The following ELF1 variants were observed in gnomAD, a reference collection of about 807,000 sequenced individuals.
ELF1 encodes ETS-related transcription factor Elf-1.
A neutral mutation model predicts 59.9 loss-of-function variants in ELF1; 24 were observed. That is an observed-to-expected ratio of 0.40 (90% CI 0.29 to 0.56). The LOEUF is 0.56. Ranked by LOEUF, ELF1 falls within the 20% of genes least tolerant of loss-of-function variation. The pLI, the probability that ELF1 is intolerant of heterozygous loss-of-function variation, is 0.44. For missense variants in ELF1, 627 were observed against 742.2 expected (o/e 0.84, Z 1.80); for synonymous variants, 248 against 266.2 (o/e 0.93, Z 0.67).
intron 1 of ELF1, among the ~76,000 whole-genome samples, chr13:40,992,266 C>A (rs1873894861): frequency 6.6e-6 from 1 of 152,100 alleles, no homozygotes. Flanking sequence ...ATTTTAAGTT[C>A]CTGATGTTTT....
At chr13:41,055,279 A>G (rs1877243073) in intron 1 of ELF1, among the ~76,000 whole-genome samples, 1 of 152,020 alleles carries the variant, frequency 6.6e-6, no homozygotes, top group African/African-American at 2.4e-5. Flanking sequence ...CTATTTTCGC[A>G]GCCTTATTTC....
chr13:41,052,219 C>T lies in ELF1; in HGVS notation c.-229+8619G>A, dbSNP rs1269365979. Reference sequence around the variant, plus strand: ...CCTCCCCAAGTGCTGGGATTATAGGCGTGAGACACTGCGCCTGGCCAGAAT... The same window carrying T: ...CCTCCCCAAGTGCTGGGATTATAGGTGTGAGACACTGCGCCTGGCCAGAAT... On this transcript the variant is annotated intron_variant, in intron 1 of 1. Coordinates refer to the ELF1 transcript ENST00000405737. Among the ~76,000 whole-genome samples, 7 of 152,138 alleles carry T rather than the reference C, an allele frequency of 4.6e-5. No homozygotes were observed. The East Asian group carries it at 1.2e-3, about 25-fold the overall frequency.
intron 4 of ELF1, 26 bp from the exon 5 acceptor site, chr13:40,949,999 A>G: frequency 1.3e-6 from 2 of 1,570,534 alleles, no homozygotes; most frequent in Non-Finnish European, 1.7e-6. Context: ...TCAACTAATT[A>G]TAGTCCACTG....
chr13:41,004,314 C>T (rs1341159075), intron 1 of ELF1, among the ~76,000 whole-genome samples: 1 of 151,758 alleles, frequency 6.6e-6, no homozygotes, highest in African/African-American at 2.4e-5. Flanking sequence ...AAATAGCCCA[C>T]ATCTGTTTTT....
chr13:40,990,026 T>C (rs968961973), intron 1 of ELF1, among the ~76,000 whole-genome samples: 1 of 151,242 alleles, frequency 6.6e-6, no homozygotes, highest in Non-Finnish European at 1.5e-5. Context: ...CAATATATGG[T>C]TATAGATTAA....
In ELF1 at chr13:40,936,953, CA is replaced by C. The variant is rs200927120; in HGVS notation, c.1257-2926del. Among the ~76,000 whole-genome samples, 175 of 149,972 alleles carry C rather than the reference CA, an allele frequency of 1.2e-3. No homozygotes were observed. The East Asian group carries it at 0.016, about 14-fold the overall frequency. On this transcript the variant is annotated intron_variant, in intron 8 of 8. Transcript: ENST00000239882. Reference sequence around the variant, plus strand: ...TGGGCTACAGAGGGAGACTCAGTCTCAAAAAAAAAGTCCTTTTCTTGAGACA... The same window carrying C: ...TGGGCTACAGAGGGAGACTCAGTCTCAAAAAAAAGTCCTTTTCTTGAGACA...
intron 1 of ELF1, among the ~76,000 whole-genome samples, chr13:41,043,156 T>C (rs1413027572): frequency 2.0e-5 from 3 of 152,160 alleles, no homozygotes; most frequent in African/African-American, 7.2e-5. Flanking sequence ...GGGTTGTTTG[T>C]TTTTTTCTTG....
intron 1 of ELF1, among the ~76,000 whole-genome samples, chr13:41,013,138 A>G (rs909138453): frequency 3.3e-5 from 5 of 152,182 alleles, no homozygotes; most frequent in Non-Finnish European, 7.4e-5. Flanking sequence ...CCCCAGGGCA[A>G]TATACCATAG....
chr13:41,059,764 T>C (rs1340991311), intron 1 of ELF1, among the ~76,000 whole-genome samples: 1 of 152,234 alleles, frequency 6.6e-6, no homozygotes, highest in Non-Finnish European at 1.5e-5. Context: ...CTTCTATATT[T>C]AAAAATACAG....
At chr13:41,052,598 C>CCCA (rs2138436022) in intron 1 of ELF1, among the ~76,000 whole-genome samples, 1 of 152,258 alleles carries the variant, frequency 6.6e-6, no homozygotes, top group African/African-American at 2.4e-5. Context: ...CGCCTGTAAT[C>CCCA]CCAGCACTTT....
At chr13:40,959,904 A>T (rs1871708689) in intron 2 of ELF1, among the ~76,000 whole-genome samples, 1 of 152,188 alleles carries the variant, frequency 6.6e-6, no homozygotes, top group African/African-American at 2.4e-5. Context: ...AAACTCAGTT[A>T]ATTAGCGGCA....
At chr13:41,005,378 C>T (rs1274859788) in intron 1 of ELF1, among the ~76,000 whole-genome samples, 1 of 149,144 alleles carries the variant, frequency 6.7e-6, no homozygotes, top group African/African-American at 2.5e-5. Context: ...ACTATTTTAC[C>T]CAACTGTTTA....
chr13:40,937,862 T>A (rs1593347257), intron 8 of ELF1, among the ~76,000 whole-genome samples: 2 of 152,212 alleles, frequency 1.3e-5, no homozygotes, highest in East Asian at 1.9e-4. Context: ...TAGCCCCAGC[T>A]GGAGTGCAGT....
At chr13:40,998,911 G>A (rs1289352301) in intron 1 of ELF1, among the ~76,000 whole-genome samples, 1 of 152,190 alleles carries the variant, frequency 6.6e-6, no homozygotes, top group African/African-American at 2.4e-5. Context: ...AGCTGGGCAT[G>A]GTGGTGCACA....
At chr13:40,947,142 T>C (rs7992623) in intron 5 of ELF1, among the ~76,000 whole-genome samples, 1,515 of 150,190 alleles carry the variant, frequency 0.01, 40 homozygotes, top group African/African-American at 0.035. Context: ...AAAAAAAAGA[T>C]ACACAAATGT....
intron 1 of ELF1, among the ~76,000 whole-genome samples, chr13:41,035,730 A>C (rs1876348849): frequency 6.7e-6 from 1 of 149,436 alleles, no homozygotes; most frequent in East Asian, 1.9e-4. Context: ...ACAAAAAGAA[A>C]AAAAAAAAAA....
chr13:40,967,091 A>G (rs998063930), intron 2 of ELF1, among the ~76,000 whole-genome samples: 1 of 152,234 alleles, frequency 6.6e-6, no homozygotes, highest in African/African-American at 2.4e-5. Context: ...CCCTGTGCCC[A>G]GCCTTCAAAT....
At chr13:40,966,885 T>G (rs1872206818) in intron 2 of ELF1, among the ~76,000 whole-genome samples, 1 of 152,220 alleles carries the variant, frequency 6.6e-6, no homozygotes, top group Admixed American at 6.5e-5. Flanking sequence ...CACTACTTTT[T>G]AAAGACAGGT....
intron 3 of ELF1, among the ~76,000 whole-genome samples, chr13:40,955,413 A>T (rs1373328418): frequency 8.2e-6 from 1 of 122,266 alleles, no homozygotes; most frequent in East Asian, 2.6e-4. Flanking sequence ...CCCATCCGGG[A>T]AGGAGGTGGG....
Sources: gnomAD v4.1 joint callset for allele counts (sites outside exome capture counted in the v4.1 genomes callset) on GRCh38, gnomAD v4.1.1 for gene constraint, MANE v1.5 for transcripts, NCBI Gene and HGNC (gene_info 2026-07-23, HGNC 2026-07-21) for gene names.